The following NBEAL1 variants were observed in gnomAD, a reference collection of about 807,000 sequenced individuals.
NBEAL1 encodes neurobeachin like 1, also known as neurobeachin-like protein 1.
A neutral mutation model predicts 351.3 loss-of-function variants in NBEAL1; 273 were observed. That is an observed-to-expected ratio of 0.78 (90% CI 0.70 to 0.86). NBEAL1 has a LOEUF of 0.86. Among genes scored for constraint, NBEAL1 ranks in the 40% least tolerant of loss-of-function variants. The pLI is 0.00. For missense variants in NBEAL1, 2,961 were observed against 3,201.3 expected (o/e 0.92, Z 1.81); for synonymous variants, 1,050 against 1,086.4 (o/e 0.97, Z 0.66).
intron 31 of NBEAL1, among the ~76,000 whole-genome samples, chr2:203,141,727 A>T (rs985079469): frequency 1.1e-4 from 17 of 151,862 alleles, no homozygotes; most frequent in South Asian, 6.2e-4. Flanking sequence ...GACCTAAAAC[A>T]TTTCTCACTA....
intron 10 of NBEAL1, among the ~76,000 whole-genome samples, chr2:203,093,230 TAAAAAAAAAA>T (rs139917037): frequency 6.0e-5 from 3 of 49,900 alleles, no homozygotes; most frequent in Admixed American, 6.1e-4. Context: ...AGACTCTGTC[TAAAAAAAAAA>T]AAAAAAAAAA....
intron 2 of NBEAL1, among the ~76,000 whole-genome samples, chr2:203,034,091 A>G (rs2060997940): frequency 6.7e-6 from 1 of 148,190 alleles, no homozygotes; most frequent in Non-Finnish European, 1.5e-5. Context: ...TGAGGACAAG[A>G]CTCTATTTTA....
intron 12 of NBEAL1, among the ~76,000 whole-genome samples, chr2:203,105,102 C>A (rs193284159): frequency 6.6e-6 from 1 of 151,962 alleles, no homozygotes; most frequent in South Asian, 2.1e-4. Flanking sequence ...CGTGATCTAC[C>A]CCCCTCAGCC....
chr2:203,159,842 A>G (rs755963066), intron 36 of NBEAL1, among the ~76,000 whole-genome samples: 3 of 151,698 alleles, frequency 2.0e-5, no homozygotes, highest in Admixed American at 6.6e-5. Flanking sequence ...GTCATTTTTC[A>G]TTTTCACCAG....
intron 10 of NBEAL1, among the ~76,000 whole-genome samples, chr2:203,092,694 C>T (rs1574957525): frequency 1.3e-5 from 2 of 152,248 alleles, no homozygotes; most frequent in Middle Eastern, 3.4e-3. Context: ...TTGAGGTATT[C>T]TTTTCATTGA....
At chr2:203,046,713 C>T (rs985277561) in intron 3 of NBEAL1, among the ~76,000 whole-genome samples, 6 of 152,296 alleles carry the variant, frequency 3.9e-5, no homozygotes, top group Admixed American at 3.9e-4. Flanking sequence ...TTTATAAAGA[C>T]AGTAATCCCA....
At chr2:203,031,749 T>G (rs1354406572) in intron 2 of NBEAL1, among the ~76,000 whole-genome samples, 4 of 152,232 alleles carry the variant, frequency 2.6e-5, no homozygotes, top group African/African-American at 4.8e-5. Flanking sequence ...ATTTTAGAAC[T>G]TGGTAGCTAC....
chr2:203,073,169 G>A (rs147720447), intron 7 of NBEAL1, among the ~76,000 whole-genome samples: 2 of 152,270 alleles, frequency 1.3e-5, no homozygotes, highest in Non-Finnish European at 2.9e-5. Context: ...CTCCTGAGTA[G>A]CTGGGACTAT....
intron 25 of NBEAL1, 72 bp downstream of exon 25, chr2:203,130,548 C>T: frequency 1.1e-6 from 1 of 942,344 alleles, no homozygotes; most frequent in Non-Finnish European, 1.4e-6. Context: ...GCAATATATC[C>T]ATTCTGTGAC....
intron 18 of NBEAL1, among the ~76,000 whole-genome samples, chr2:203,120,744 G>T (rs2062810982): frequency 6.6e-6 from 1 of 152,186 alleles, no homozygotes; most frequent in Non-Finnish European, 1.5e-5. Context: ...CAGTGTGAAA[G>T]TTGGATTGGA....
intron 42 of NBEAL1, among the ~76,000 whole-genome samples, chr2:203,177,259 G>A (rs2064537824): frequency 6.6e-6 from 1 of 151,150 alleles, no homozygotes. Flanking sequence ...TACACTCAAG[G>A]TAAGGTGGCA....
At chr2:203,122,104 A>G in intron 18 of NBEAL1, 150 bp from the exon 19 acceptor site, 1 of 505,316 alleles carries the variant, frequency 2.0e-6, no homozygotes, top group Non-Finnish European at 3.4e-6. Context: ...TTCTTTTAAA[A>G]CAGAACAGCA....
At chr2:203,020,441 T>C (rs1574854266) in intron 2 of NBEAL1, among the ~76,000 whole-genome samples, 2 of 151,918 alleles carry the variant, frequency 1.3e-5, no homozygotes, top group South Asian at 4.2e-4. Context: ...AAGGCTGAGG[T>C]GGATGGATCA....
At chr2:203,160,083 T>A (rs1442439892) in intron 36 of NBEAL1, among the ~76,000 whole-genome samples, 1 of 151,464 alleles carries the variant, frequency 6.6e-6, no homozygotes, top group African/African-American at 2.4e-5. Flanking sequence ...CGCTATTTTT[T>A]TTTTTTTTTT....
intron 19 of NBEAL1, among the ~76,000 whole-genome samples, chr2:203,123,402 G>A (rs2062872035): frequency 1.4e-5 from 2 of 147,370 alleles, no homozygotes; most frequent in South Asian, 2.1e-4. Flanking sequence ...AGTGGATCTC[G>A]GCTCACTACA....
intron 4 of NBEAL1, among the ~76,000 whole-genome samples, chr2:203,054,077 C>T (rs537679384): frequency 6.6e-6 from 1 of 152,214 alleles, no homozygotes; most frequent in African/African-American, 2.4e-5. Context: ...CAGCCTCAGC[C>T]TCCTGAGTAG....
At chr2:203,107,549 C>A (rs1308502022) in intron 13 of NBEAL1, 31 bp downstream of exon 13, 4 of 1,540,350 alleles carry the variant, frequency 2.6e-6, no homozygotes, top group Non-Finnish European at 3.5e-6. Flanking sequence ...AAGAGAATTT[C>A]TGTTAATATC....
At chr2:203,102,752 A>G (rs1261008669) in intron 12 of NBEAL1, among the ~76,000 whole-genome samples, 1 of 152,168 alleles carries the variant, frequency 6.6e-6, no homozygotes, top group Non-Finnish European at 1.5e-5. Context: ...TATCAAGGAT[A>G]TTGGCCTGAA....
chr2:203,150,187 A>AC (rs1443898502), intron 34 of NBEAL1, among the ~76,000 whole-genome samples: 17 of 152,298 alleles, frequency 1.1e-4, no homozygotes, highest in Admixed American at 2.0e-4. Flanking sequence ...GCAATGTGTG[A>AC]GAGTTCCAAT....
Sources: allele counts gnomAD v4.1 joint callset (sites outside exome capture counted in the v4.1 genomes callset), GRCh38; gene constraint gnomAD v4.1.1; transcripts MANE v1.5; gene names NCBI Gene and HGNC (gene_info 2026-07-23, HGNC 2026-07-21).